EIF4A1: variants seen among roughly 807,000 people sequenced by gnomAD.
The protein encoded by EIF4A1 is eukaryotic initiation factor 4A-I.
EIF4A1 carries 11 observed loss-of-function variants against 53.5 expected under a neutral mutation model. That is an observed-to-expected ratio of 0.21 (90% CI 0.13 to 0.34). The LOEUF is 0.34. Among genes scored for constraint, EIF4A1 ranks in the 10% least tolerant of loss-of-function variants. The probability of loss-of-function intolerance (pLI) is 1.00; values close to 1 mark genes in which losing one functional copy is unlikely to be tolerated. For synonymous variants in EIF4A1, 237 were observed against 186.7 expected, an observed-to-expected ratio of 1.27 and a Z score of -2.20; for missense variants, 213 against 530.8, an observed-to-expected ratio of 0.40 and a Z score of 5.88.
intron 10 of EIF4A1, 28 bp downstream of exon 10, chr17:7,578,272 A>G: frequency 6.2e-7 from 1 of 1,613,882 alleles, no homozygotes; most frequent in South Asian, 1.1e-5. Context: ...ACACTCCCCT[A>G]CCCCTTCACA....
In EIF4A1 at chr17:7,578,549, A is replaced by AGG. The variant is rs1199711076; in HGVS notation, c.*68_*69dup. 6.7e-6 allele frequency: 10 copies of AGG among 1,486,806 alleles called. No individual in the cohort carries two copies. The highest frequency in any genetic ancestry group is 8.9e-6 in the Non-Finnish European group (10 of 1,120,566). The allele number at this position is 1,486,806 out of a possible 1,614,324, so 92.1% of individuals were successfully genotyped here. ...TCTCTGGGGGCTGAGGAGCAGCAGG[A>AGG]GGGGGGAGGGAAGGGAGCCAAGGGA... On this transcript the variant is annotated 3_prime_UTR_variant, in exon 11 of 11. Coordinates refer to ENST00000293831, the MANE Select transcript of EIF4A1 (RefSeq NM_001416.4).
At chr17:7,576,173 AAG>A (rs2150926038) in intron 4 of EIF4A1, 11 of 172,430 alleles carry the variant, frequency 6.4e-5, no homozygotes, top group Non-Finnish European at 9.7e-5. Flanking sequence ...GTCTCAAAAA[AAG>A]AAAAAAAAAA....
chr17:7,572,984 G>T, intron 1 of EIF4A1, 120 bp downstream of exon 1: 1 of 1,583,188 alleles, frequency 6.3e-7, no homozygotes. Flanking sequence ...CGGGTGGGGG[G>T]AGGGTCCGAC....
chr17:7,574,826 G>C (rs759304120), intron 3 of EIF4A1, 148 bp downstream of exon 3: 26 of 1,341,902 alleles, frequency 1.9e-5, no homozygotes, highest in Admixed American at 1.0e-4. Flanking sequence ...GCCCATGCCT[G>C]GTTCATGCCT....
chr17:7,574,870 T>C (rs538419930), intron 3 of EIF4A1, 192 bp downstream of exon 3: 83 of 1,105,526 alleles, frequency 7.5e-5, no homozygotes, highest in South Asian at 5.0e-4. Flanking sequence ...GAGGTGGTAT[T>C]GTAGCCAGCT....
Position 7,575,234 on chromosome 17 carries a change from A to C in EIF4A1, c.321A>C (p.Ala107=). 1 of 1,613,996 alleles carries C rather than the reference A, an allele frequency of 6.2e-7. No individual in the cohort carries two copies. Among genetic ancestry groups the C allele is most frequent in the Non-Finnish European group, 8.5e-7 (1 of 1,180,030 alleles). Residue 107 remains alanine, a synonymous_variant, in exon 4 of 11, where the codon GCA becomes GCC. Coordinates refer to ENST00000293831, the MANE Select transcript of EIF4A1 (RefSeq NM_001416.4). ...DLKATQALVL[A]PTRELAQQIQ... Reference sequence around the variant, plus strand: ...AAGCCACCCAGGCCTTGGTCCTAGCACCCACTCGAGAATTGGCTCAGCAGG... The same window carrying C: ...AAGCCACCCAGGCCTTGGTCCTAGCCCCCACTCGAGAATTGGCTCAGCAGG...
chr17:7,578,338 C>G lies in EIF4A1; in HGVS notation c.1077-4C>G. 6.2e-7 allele frequency: 1 copy of G among 1,612,544 alleles called. No homozygotes were observed. Among genetic ancestry groups the G allele is most frequent in the Non-Finnish European group, 8.5e-7 (1 of 1,179,024 alleles). ...TATTCCTCATCCCCTTCCTTGTTTT[C>G]CAGAATCGGTCGAGGTGGACGGTTT... On this transcript the variant is annotated splice_polypyrimidine_tract_variant and splice_region_variant and intron_variant, in intron 10 of 10. Coordinates refer to ENST00000293831, the MANE Select transcript of EIF4A1 (RefSeq NM_001416.4).
At chr17:7,575,310 AT>A in intron 4 of EIF4A1, 52 bp downstream of exon 4, 1 of 1,611,016 alleles carries the variant, frequency 6.2e-7, no homozygotes, top group Non-Finnish European at 8.5e-7. Context: ...GATGATGAGT[AT>A]AATCCAAGGA....
Position 7,576,577 on chromosome 17 carries a change from C to G in EIF4A1, c.399C>G (p.Ala133=). 6.2e-7 allele frequency: 1 copy of G among 1,613,476 alleles called. No individual in the cohort carries two copies. Among genetic ancestry groups the G allele is most frequent in the South Asian group, 1.1e-5 (1 of 90,938 alleles). ...LGDYMGASCH[A]CIGGTNVRAE... The stretch of plus-strand genomic sequence containing the variant: ...ACTACATGGGCGCCTCCTGTCACGC[C>G]TGTATCGGGGGCACCAACGTGCGTG... The change falls in exon 5 of 11, where the codon GCC becomes GCG. Residue 133 remains alanine, a synonymous_variant. Coordinates refer to ENST00000293831, the MANE Select transcript of EIF4A1 (RefSeq NM_001416.4).
intron 9 of EIF4A1, 39 bp from the exon 10 acceptor site, chr17:7,578,123 GTCC>G (rs750393114): frequency 3.1e-6 from 5 of 1,613,478 alleles, no homozygotes; most frequent in Non-Finnish European, 4.2e-6. Flanking sequence ...GGGATAGAGT[GTCC>G]TCCGTGCACA....
chr17:7,573,663 TTCCCC>T (rs1438607111), intron 1 of EIF4A1: 2 of 154,872 alleles, frequency 1.3e-5, no homozygotes, highest in Non-Finnish European at 1.4e-5. Flanking sequence ...GCCTGAGGCG[TTCCCC>T]TCCCCCAGTC....
At chr17:7,574,953 T>G in intron 3 of EIF4A1, 166 bp from the exon 4 acceptor site, 2 of 1,095,186 alleles carry the variant, frequency 1.8e-6, no homozygotes, top group Middle Eastern at 6.0e-4. Flanking sequence ...AACTGGTCCT[T>G]GTTTCTGATC....
In EIF4A1 at chr17:7,578,313, T is replaced by TA. The variant is rs1205819574; in HGVS notation, c.1077-28dup. The TA allele has an allele frequency of 1.9e-6, 3 of 1,613,386 alleles. No homozygotes were observed. In the African/African-American group the frequency reaches 4.0e-5, roughly 22 times the overall value. ...CCCTCCCTGGGCTTAAAGCTCCTGA[T>TA]ATTCCTCATCCCCTTCCTTGTTTTC... On this transcript the variant is annotated intron_variant, in intron 10 of 10. Transcript: ENST00000293831.
intron 4 of EIF4A1, chr17:7,575,749 G>C (rs1597849523): frequency 3.8e-6 from 1 of 263,548 alleles, no homozygotes; most frequent in East Asian, 8.9e-5. Context: ...TGTGGATAAT[G>C]TAAGAAGTTA....
intron 4 of EIF4A1, chr17:7,575,473 G>A: frequency 1.3e-6 from 1 of 772,304 alleles, no homozygotes; most frequent in Non-Finnish European, 2.1e-6. Context: ...GAAAGCTGTT[G>A]GGTGAAGCCT....
intron 9 of EIF4A1, 28 bp from the exon 10 acceptor site, chr17:7,578,137 T>C (rs773275797): frequency 6.2e-7 from 1 of 1,614,140 alleles, no homozygotes; most frequent in Admixed American, 1.7e-5. Flanking sequence ...TCCGTGCACA[T>C]GCTGAAGAGT....
chr17:7,575,688 G>A (rs1056477556), intron 4 of EIF4A1: 3 of 298,020 alleles, frequency 1.0e-5, no homozygotes, highest in Non-Finnish European at 1.3e-5. Flanking sequence ...CAACACTGAT[G>A]TCAGAGCATG....
chr17:7,578,115 G>C, intron 9 of EIF4A1, 50 bp from the exon 10 acceptor site: 1 of 1,612,922 alleles, frequency 6.2e-7, no homozygotes, highest in Non-Finnish European at 8.5e-7. Context: ...TTCCCTCCGG[G>C]ATAGAGTGTC....
At chr17:7,575,810 C>T (rs1277045228) in intron 4 of EIF4A1, 2 of 218,716 alleles carry the variant, frequency 9.1e-6, no homozygotes, top group African/African-American at 4.5e-5. Context: ...TCAGAGTGAA[C>T]ATGCCTCGTA....
Sources: allele counts gnomAD v4.1 joint callset, GRCh38; gene constraint gnomAD v4.1.1; transcripts MANE v1.5; gene names NCBI Gene and HGNC (gene_info 2026-07-23, HGNC 2026-07-21).